Variants in TYW1 observed in about 807,000 individuals in gnomAD.
The protein encoded by TYW1 is S-adenosyl-L-methionine-dependent tRNA 4-demethylwyosine synthase TYW1.
In TYW1, 46 loss-of-function variants were observed where a neutral mutation model predicts 96.2. That is an observed-to-expected ratio of 0.48 (90% CI 0.38 to 0.61). The LOEUF is 0.61. Ranked by LOEUF, TYW1 falls within the 20% of genes least tolerant of loss-of-function variation. TYW1 has a pLI of 0.00. For missense variants in TYW1, 684 were observed against 909.6 expected (o/e 0.75, Z 3.19); for synonymous variants, 274 against 323.0 (o/e 0.85, Z 1.63).
chr7:67,213,153 TG>T (rs1004162283), intron 15 of TYW1, among the ~76,000 whole-genome samples: 11 of 149,604 alleles, frequency 7.4e-5, no homozygotes, highest in African/African-American at 2.7e-4. Flanking sequence ...ATTACAGGTA[TG>T]AGCCACCACG....
At chr7:67,112,278 A>G (rs538988433) in intron 12 of TYW1, among the ~76,000 whole-genome samples, 4 of 152,254 alleles carry the variant, frequency 2.6e-5, no homozygotes, top group African/African-American at 7.2e-5. Context: ...CTAGAGCCAC[A>G]CACATGTAAT....
intron 7 of TYW1, among the ~76,000 whole-genome samples, chr7:67,034,886 A>G (rs144420958): frequency 5.6e-4 from 85 of 152,334 alleles, no homozygotes; most frequent in African/African-American, 1.9e-3. Context: ...GATATTTCCA[A>G]ATCGCCTTGT....
intron 15 of TYW1, among the ~76,000 whole-genome samples, chr7:67,206,065 T>A (rs546714999): frequency 9.2e-5 from 14 of 152,362 alleles, no homozygotes; most frequent in African/African-American, 3.1e-4. Context: ...CCAGACATTA[T>A]ACCACTGTAG....
intron 8 of TYW1, among the ~76,000 whole-genome samples, chr7:67,051,429 C>T (rs113672367): frequency 0.017 from 2,601 of 152,108 alleles, 72 homozygotes; most frequent in African/African-American, 0.059. Context: ...TGCCTCATCC[C>T]CCTGAATAGC....
At chr7:67,071,709 C>T (rs1208192299) in intron 10 of TYW1, among the ~76,000 whole-genome samples, 1 of 152,122 alleles carries the variant, frequency 6.6e-6, no homozygotes, top group African/African-American at 2.4e-5. Context: ...CAAGCTCCAC[C>T]TCCCAGGTTC....
intron 10 of TYW1, among the ~76,000 whole-genome samples, chr7:67,079,913 A>G (rs1006062452): frequency 6.6e-6 from 1 of 152,066 alleles, no homozygotes; most frequent in African/African-American, 2.4e-5. Context: ...AGTTCCTTTT[A>G]TGACTGATTT....
At chr7:67,034,038 TTTGAAAA>T (rs1794752521) in intron 7 of TYW1, among the ~76,000 whole-genome samples, 1 of 151,932 alleles carries the variant, frequency 6.6e-6, no homozygotes, top group South Asian at 2.1e-4. Context: ...CAGATATGTC[TTTGAAAA>T]TTTTTAACTT....
intron 7 of TYW1, among the ~76,000 whole-genome samples, chr7:67,039,554 TC>T (rs1442671028): frequency 6.6e-6 from 1 of 152,284 alleles, no homozygotes; most frequent in East Asian, 1.9e-4. Context: ...AGTTTAACCT[TC>T]CCTAGCTTTA....
At chr7:67,113,592 C>T (rs550138720) in intron 12 of TYW1, among the ~76,000 whole-genome samples, 9 of 152,086 alleles carry the variant, frequency 5.9e-5, no homozygotes, top group Admixed American at 5.9e-4. Flanking sequence ...ACTTGAATCT[C>T]CTTGACGCTT....
intron 7 of TYW1, among the ~76,000 whole-genome samples, chr7:67,038,572 C>T (rs1794910425): frequency 1.3e-5 from 2 of 152,036 alleles, no homozygotes; most frequent in Admixed American, 1.3e-4. Context: ...CACCACTGCA[C>T]TCCAGCCTGG....
intron 3 of TYW1, 36 bp from the exon 4 acceptor site, chr7:67,009,546 TG>T (rs1793717945): frequency 6.3e-7 from 1 of 1,594,608 alleles, no homozygotes; most frequent in African/African-American, 1.3e-5. Context: ...TTTGGCTCAT[TG>T]AAGACTTTAT....
At chr7:67,011,610 G>A (rs1276674472) in intron 4 of TYW1, among the ~76,000 whole-genome samples, 2 of 152,118 alleles carry the variant, frequency 1.3e-5, no homozygotes, top group Admixed American at 1.3e-4. Context: ...GGTGGCTCAC[G>A]CCTGTAATCC....
intron 15 of TYW1, among the ~76,000 whole-genome samples, chr7:67,198,842 G>C (rs1399180561): frequency 2.0e-5 from 3 of 152,040 alleles, no homozygotes; most frequent in Admixed American, 6.6e-5. Context: ...GTCTTCCTTT[G>C]TCTTTTATGA....
At chr7:67,170,551 C>T (rs1799484879) in intron 13 of TYW1, among the ~76,000 whole-genome samples, 1 of 152,160 alleles carries the variant, frequency 6.6e-6, no homozygotes, top group Admixed American at 6.5e-5. Flanking sequence ...ACATGAACAA[C>T]GAAGTGGCAT....
chr7:67,038,626 A>G (rs1794911753), intron 7 of TYW1, among the ~76,000 whole-genome samples: 1 of 151,656 alleles, frequency 6.6e-6, no homozygotes, highest in African/African-American at 2.4e-5. Context: ...ACATGTGGCC[A>G]GGCATGATGG....
At chr7:67,121,074 G>A (rs1797744909) in intron 13 of TYW1, among the ~76,000 whole-genome samples, 1 of 152,192 alleles carries the variant, frequency 6.6e-6, no homozygotes, top group Admixed American at 6.5e-5. Context: ...GTGGCAGGAT[G>A]CTGCTCTTAA....
chr7:67,137,457 AAAAT>A (rs1377570825), intron 13 of TYW1, among the ~76,000 whole-genome samples: 2 of 152,244 alleles, frequency 1.3e-5, no homozygotes, highest in Non-Finnish European at 2.9e-5. Flanking sequence ...CTCTTTAAAA[AAAAT>A]AAATAAAATA....
chr7:67,204,410 T>C (rs1253313590), intron 15 of TYW1, among the ~76,000 whole-genome samples: 3 of 152,114 alleles, frequency 2.0e-5, no homozygotes, highest in Non-Finnish European at 4.4e-5. Flanking sequence ...TATTTTTCAG[T>C]TCTAAAATTT....
At chr7:67,002,849 C>CTTTTTTCTTTTTTTTTTTT (rs1793451113) in intron 3 of TYW1, among the ~76,000 whole-genome samples, 1 of 116,930 alleles carries the variant, frequency 8.6e-6, no homozygotes, top group Non-Finnish European at 1.8e-5. Context: ...TTTTCTTTTT[C>CTTTTTTCTTTTTTTTTTTT]TTTTTTCTTT....
Sources: allele counts gnomAD v4.1 joint callset (sites outside exome capture counted in the v4.1 genomes callset), GRCh38; gene constraint gnomAD v4.1.1; transcripts MANE v1.5; gene names NCBI Gene and HGNC (gene_info 2026-07-23, HGNC 2026-07-21).